The following GPC6 variants were observed in gnomAD, a reference collection of about 807,000 sequenced individuals.
GPC6 encodes glypican 6.
A neutral mutation model predicts 55.2 loss-of-function variants in GPC6; 14 were observed. That is an observed-to-expected ratio of 0.25 (90% confidence interval 0.17 to 0.40). The LOEUF (loss-of-function observed/expected upper bound fraction) is 0.40. Among genes scored for constraint, GPC6 ranks in the 10% least tolerant of loss-of-function variants. The pLI is 1.00. For missense variants in GPC6, 641 were observed against 708.5 expected (o/e 0.90, Z 1.08); for synonymous variants, 278 against 259.6 (o/e 1.07, Z -0.68).
At chr13:93,465,160 T>C (rs888963396) in intron 1 of GPC6, among the ~76,000 whole-genome samples, 1 of 152,222 alleles carries the variant, frequency 6.6e-6, no homozygotes, top group Non-Finnish European at 1.5e-5. Flanking sequence ...GTACATTTAG[T>C]ATAATTCCTA....
At chr13:93,439,952 G>A (rs1045341021) in intron 1 of GPC6, among the ~76,000 whole-genome samples, 12 of 152,096 alleles carry the variant, frequency 7.9e-5, no homozygotes. Context: ...TAGTTTTATT[G>A]TAAATGTTTA....
chr13:93,403,134 A>G lies in GPC6; in HGVS notation c.161-142129A>G, dbSNP rs541205609. ...TCCTTAAAATAGATCAGATATACAT[A>G]GAATATTTCAATGATCTCATATCTT... On this transcript the variant is annotated intron_variant, in intron 1 of 8. Transcript: ENST00000377047. 1.4e-4 allele frequency among the ~76,000 whole-genome samples: 21 copies of G among 152,362 alleles called. No individual in the cohort carries two copies. The South Asian group carries it at 4.3e-3, about 32-fold the overall frequency.
chr13:93,777,675 A>C (rs567802422), intron 2 of GPC6, among the ~76,000 whole-genome samples: 1 of 152,306 alleles, frequency 6.6e-6, no homozygotes, highest in South Asian at 2.1e-4. Flanking sequence ...GAATACATTT[A>C]ATTGCTGTCC....
chr13:93,410,553 C>A (rs1445506556), intron 1 of GPC6, among the ~76,000 whole-genome samples: 4 of 152,066 alleles, frequency 2.6e-5, no homozygotes, highest in African/African-American at 2.4e-5. Context: ...AAGAGTCAGG[C>A]AGAGATAGTA....
chr13:93,510,474 A>G (rs898261699), intron 1 of GPC6, among the ~76,000 whole-genome samples: 4 of 152,058 alleles, frequency 2.6e-5, no homozygotes, highest in Non-Finnish European at 5.9e-5. Flanking sequence ...AGTTCCATCC[A>G]TGTTGCTGCA....
At chr13:93,874,649 C>A (rs1889234210) in intron 3 of GPC6, among the ~76,000 whole-genome samples, 1 of 150,702 alleles carries the variant, frequency 6.6e-6, no homozygotes, top group South Asian at 2.1e-4. Flanking sequence ...CCAGTCATGA[C>A]CGTGTCTGTC....
chr13:93,334,193 C>T (rs1478972433), intron 1 of GPC6, among the ~76,000 whole-genome samples: 3 of 151,878 alleles, frequency 2.0e-5, no homozygotes, highest in Non-Finnish European at 4.4e-5. Context: ...TTATATATGC[C>T]TGTTTGTTTC....
At chr13:93,340,076 C>T (rs1180944957) in intron 1 of GPC6, among the ~76,000 whole-genome samples, 1 of 131,016 alleles carries the variant, frequency 7.6e-6, no homozygotes, top group Non-Finnish European at 1.6e-5. Flanking sequence ...TGCTCGGTCA[C>T]CCAGGCTGGA....
chr13:94,255,590 A>C (rs1396056066), intron 4 of GPC6, among the ~76,000 whole-genome samples: 1 of 151,930 alleles, frequency 6.6e-6, no homozygotes, highest in African/African-American at 2.4e-5. Context: ...TTTCTATCTA[A>C]GGGACATGAT....
intron 4 of GPC6, among the ~76,000 whole-genome samples, chr13:94,039,072 C>G (rs1478636379): frequency 6.6e-6 from 1 of 151,920 alleles, no homozygotes; most frequent in Non-Finnish European, 1.5e-5. Flanking sequence ...GGGGGAAAAA[C>G]AGTGGTAGGA....
intron 1 of GPC6, among the ~76,000 whole-genome samples, chr13:93,307,494 T>C (rs1281473039): frequency 1.3e-5 from 2 of 152,148 alleles, no homozygotes; most frequent in Admixed American, 6.5e-5. Context: ...CAAAATACTT[T>C]ATAAAATAGT....
chr13:94,234,424 T>C (rs973122568), intron 4 of GPC6, among the ~76,000 whole-genome samples: 1 of 151,870 alleles, frequency 6.6e-6, no homozygotes, highest in Non-Finnish European at 1.5e-5. Context: ...GTTTCTTTTC[T>C]ACATGTAATA....
intron 1 of GPC6, among the ~76,000 whole-genome samples, chr13:93,257,401 C>A (rs956385352): frequency 6.6e-6 from 1 of 152,138 alleles, no homozygotes; most frequent in African/African-American, 2.4e-5. Context: ...TCTTTTCTCT[C>A]GTTATAGCAA....
intron 3 of GPC6, among the ~76,000 whole-genome samples, chr13:93,964,951 G>A (rs1161665333): frequency 6.6e-6 from 1 of 152,002 alleles, no homozygotes; most frequent in Non-Finnish European, 1.5e-5. Flanking sequence ...CCCTTATCAA[G>A]AGAAGAAAGT....
intron 3 of GPC6, among the ~76,000 whole-genome samples, chr13:93,841,520 C>A (rs555430352): frequency 2.0e-5 from 3 of 152,156 alleles, no homozygotes; most frequent in African/African-American, 7.2e-5. Context: ...GTAATCATAC[C>A]AAACAATGTT....
intron 4 of GPC6, among the ~76,000 whole-genome samples, chr13:94,032,674 T>A (rs1269074530): frequency 1.3e-5 from 2 of 152,232 alleles, no homozygotes; most frequent in Non-Finnish European, 2.9e-5. Flanking sequence ...TTGATTTAGA[T>A]GCCCTCCAAA....
chr13:93,232,879 G>T (rs1213337228), intron 1 of GPC6, among the ~76,000 whole-genome samples: 2 of 152,014 alleles, frequency 1.3e-5, no homozygotes, highest in African/African-American at 4.8e-5. Flanking sequence ...CTTTAAAAAT[G>T]ATTTTAATCT....
chr13:93,544,146 A>T (rs1882447524), intron 1 of GPC6, among the ~76,000 whole-genome samples: 1 of 148,166 alleles, frequency 6.7e-6, no homozygotes, highest in African/African-American at 2.4e-5. Context: ...CAGTAAAAAA[A>T]GAAAAAAAAA....
intron 1 of GPC6, among the ~76,000 whole-genome samples, chr13:93,239,396 GAAAAT>G (rs1876354130): frequency 6.6e-6 from 1 of 151,750 alleles, no homozygotes; most frequent in Admixed American, 6.5e-5. Context: ...TCAGATCCAT[GAAAAT>G]GGAGACATTA....
Sources: gnomAD v4.1 joint callset for allele counts (sites outside exome capture counted in the v4.1 genomes callset) on GRCh38, gnomAD v4.1.1 for gene constraint, MANE v1.5 for transcripts, NCBI Gene and HGNC (gene_info 2026-07-23, HGNC 2026-07-21) for gene names.